ZNF492: variants seen among roughly 807,000 people sequenced by gnomAD.
ZNF492 encodes zinc finger protein 492.
In ZNF492, 3 loss-of-function variants were observed where a neutral mutation model predicts 6.4. The ratio of observed to expected loss-of-function variants is 0.47; its 90% CI spans 0.21 to 1.22. The LOEUF is 1.22. Among genes scored for constraint, ZNF492 ranks in the 50% most tolerant of loss-of-function variants. The probability of loss-of-function intolerance (pLI) is 0.22; values close to 1 mark genes in which losing one functional copy is unlikely to be tolerated. For synonymous variants in ZNF492, 112 were observed against 205.3 expected (o/e 0.55, Z 3.89); for missense variants, 356 against 612.5 (o/e 0.58, Z 4.42).
intron 1 of ZNF492, among the ~76,000 whole-genome samples, chr19:22,645,533 TATTTGTCAATTTTGG>T (rs1426777620): frequency 3.3e-5 from 5 of 152,220 alleles, no homozygotes; most frequent in Non-Finnish European, 5.9e-5. Flanking sequence ...AATTAGCTCT[TATTTGTCAATTTTGG>T]GTTTAGTTGC....
chr19:22,635,660 A>T (rs1325476542), intron 1 of ZNF492, among the ~76,000 whole-genome samples: 1 of 152,184 alleles, frequency 6.6e-6, no homozygotes, highest in East Asian at 1.9e-4. Context: ...TGCAAACGTT[A>T]TGGGGTGATT....
At position 22,666,095 on chromosome 19, in the gene ZNF492, ATGT is replaced by A. The variant is rs1272854336; in HGVS notation, c.*834_*836del. The A allele has an allele frequency of 1.1e-4, 16 of 152,214 alleles. No individual in the cohort carries two copies. In the South Asian group the frequency reaches 1.2e-3, roughly 12 times the overall value. 9.4% of individuals were successfully genotyped at this position (152,214 alleles called of 1,614,324 possible). A position where few individuals can be genotyped will look rare whatever the true frequency, so the allele number is the denominator to read the frequency against. On this transcript the variant is annotated 3_prime_UTR_variant, in exon 4 of 4. Transcript: ENST00000456783. ...ACTCTCAAATTACTTCATACAAATA[ATGT>A]TGTAATTAACTCAAATTACTTCGTG...
intron 1 of ZNF492, among the ~76,000 whole-genome samples, chr19:22,639,110 G>T (rs1271217932): frequency 1.3e-5 from 2 of 152,060 alleles, no homozygotes; most frequent in East Asian, 3.9e-4. Context: ...AAAGTGCTGG[G>T]ACTACAGGCG....
chr19:22,641,553 G>A (rs1405421369), intron 1 of ZNF492, among the ~76,000 whole-genome samples: 1 of 152,176 alleles, frequency 6.6e-6, no homozygotes, highest in African/African-American at 2.4e-5. Flanking sequence ...GCCACGTGAT[G>A]ATGAGAAGAC....
At chr19:22,646,127 A>G (rs1343670118) in intron 1 of ZNF492, among the ~76,000 whole-genome samples, 1 of 152,102 alleles carries the variant, frequency 6.6e-6, no homozygotes, top group Non-Finnish European at 1.5e-5. Flanking sequence ...GGCCATTTTC[A>G]TGATGTTGAT....
rs1972140534 is a variant in ZNF492 at position 22,667,254 on chromosome 19, AT to A, written c.*1990del. 4 of 152,136 alleles carry A rather than the reference AT, an allele frequency of 2.6e-5. 1 individual carries two copies. The South Asian group carries it at 8.3e-4, about 31-fold the overall frequency. The allele number at this position is 152,136 out of a possible 1,614,324, so 9.4% of individuals were successfully genotyped here. A position where few individuals can be genotyped will look rare whatever the true frequency, so the allele number is the denominator to read the frequency against. ...AAAAATAAATAAGTAAATAAAATAA[AT>A]GGTGGTAACAATACACTATTTGGTA... On this transcript the variant is annotated 3_prime_UTR_variant, in exon 4 of 4. Transcript: ENST00000456783.
intron 3 of ZNF492, among the ~76,000 whole-genome samples, chr19:22,662,402 A>G (rs151189411): frequency 0.016 from 2,511 of 152,284 alleles, 56 homozygotes; most frequent in African/African-American, 0.055. Flanking sequence ...ATACGTGTGC[A>G]TGTGTCCTTA....
chr19:22,647,749 A>ATTTTTTTTTT (rs1971898849), intron 1 of ZNF492, among the ~76,000 whole-genome samples: 1 of 41,202 alleles, frequency 2.4e-5, no homozygotes, highest in African/African-American at 1.6e-4. Context: ...TTTTTTTTTG[A>ATTTTTTTTTT]GATGGAGACT....
chr19:22,664,140 T>C lies in ZNF492; in HGVS notation c.471T>C (p.Ala157=), dbSNP rs375860518. 443 of 1,603,878 alleles carry C rather than the reference T, an allele frequency of 2.8e-4. 1 individual carries two copies. Among genetic ancestry groups the C allele is most frequent in the Middle Eastern group, 1.2e-3 (7 of 6,016 alleles). ...EKSFCMLSHL[A]QHKRIHSGEK... ...CATTTTGCATGCTTTCACACTTAGC[T>C]CAACATAAAAGAATTCATAGTGGAG... Residue 157 remains alanine, a synonymous_variant, in exon 4 of 4, where the codon GCT becomes GCC. Transcript: ENST00000456783.
chr19:22,654,466 T>A (rs1028693581), intron 3 of ZNF492, among the ~76,000 whole-genome samples: 5 of 152,152 alleles, frequency 3.3e-5, no homozygotes, highest in Non-Finnish European at 1.5e-5. Context: ...TTGCATTCTG[T>A]CTTATTATAG....
intron 3 of ZNF492, among the ~76,000 whole-genome samples, chr19:22,660,880 G>A (rs1972051423): frequency 1.4e-5 from 2 of 147,236 alleles, no homozygotes; most frequent in African/African-American, 5.0e-5. Flanking sequence ...TGGCAGGACA[G>A]ATTTGTTGAT....
Position 22,666,999 on chromosome 19 carries a change from T to C in ZNF492, c.*1734T>C, listed in dbSNP as rs1158294716. On this transcript the variant is annotated 3_prime_UTR_variant, in exon 4 of 4. Coordinates refer to ENST00000456783, the MANE Select transcript of ZNF492 (RefSeq NM_020855.3). ...ATCCCAGCACTTTGGGAGGCAAAGG[T>C]GGGTAGATCACCTGAGGTCGGGAGT... is the stretch of plus-strand genomic sequence containing the variant. The C allele has an allele frequency of 1.3e-5, 2 of 152,030 alleles. No individual in the cohort carries two copies. The highest frequency in any genetic ancestry group is 6.6e-5 in the Admixed American group (1 of 15,262). The allele number at this position is 152,030 out of a possible 1,614,324, so 9.4% of individuals were successfully genotyped here.
intron 1 of ZNF492, among the ~76,000 whole-genome samples, chr19:22,649,029 A>G (rs1034901667): frequency 1.8e-4 from 27 of 152,030 alleles, no homozygotes; most frequent in African/African-American, 5.6e-4. Context: ...TCATAGTGTC[A>G]TTGGTCTTCA....
chr19:22,660,134 G>A (rs1972043763), intron 3 of ZNF492, among the ~76,000 whole-genome samples: 1 of 151,726 alleles, frequency 6.6e-6, no homozygotes, highest in Admixed American at 6.6e-5. Flanking sequence ...CTTCCATCTT[G>A]CCCCTTTTAG....
chr19:22,655,099 C>T (rs1052563996), intron 3 of ZNF492, among the ~76,000 whole-genome samples: 1 of 151,452 alleles, frequency 6.6e-6, no homozygotes, highest in Non-Finnish European at 1.5e-5. Flanking sequence ...TTGAGACCAG[C>T]CTGGCCAACA....
At chr19:22,645,868 C>T (rs991782941) in intron 1 of ZNF492, among the ~76,000 whole-genome samples, 1 of 152,020 alleles carries the variant, frequency 6.6e-6, no homozygotes, top group African/African-American at 2.4e-5. Context: ...CTTTTCTGTT[C>T]CATTGGTCTA....
Position 22,664,932 on chromosome 19 carries a change from CAAATGTGAAG to C in ZNF492, c.1266_1275del (p.Lys422AsnfsTer17), listed in dbSNP as rs1330496277. ...TAATTCATACTGGAGAGAAACCCTACAAATGTGAAGAATGTGGCAAAGCTTTTAACCAGTC... is the reference window on the plus strand; with the variant it reads ...TAATTCATACTGGAGAGAAACCCTACAATGTGGCAAAGCTTTTAACCAGTC... On this transcript the variant is annotated frameshift_variant, in exon 4 of 4. Transcript: ENST00000456783. LOFTEE classifies it low-confidence loss of function (END_TRUNC). 8 of 1,610,542 alleles carry C rather than the reference CAAATGTGAAG, an allele frequency of 5.0e-6. No homozygotes were observed. Among genetic ancestry groups the C allele is most frequent in the Non-Finnish European group, 6.8e-6 (8 of 1,178,218 alleles).
chr19:22,639,677 C>T (rs1971805995), intron 1 of ZNF492, among the ~76,000 whole-genome samples: 1 of 150,530 alleles, frequency 6.6e-6, no homozygotes, highest in Non-Finnish European at 1.5e-5. Context: ...CGCCACCGCA[C>T]CCCAGCCTGG....
In ZNF492 at chr19:22,665,518, G is replaced by A; in HGVS notation, c.*253G>A. 1 of 667,790 alleles carries A rather than the reference G, an allele frequency of 1.5e-6. No homozygotes were observed. Among genetic ancestry groups the A allele is most frequent in the Non-Finnish European group, 2.2e-6 (1 of 444,598 alleles). 41.4% of individuals were successfully genotyped at this position (667,790 alleles called of 1,614,324 possible). A position where few individuals can be genotyped will look rare whatever the true frequency, so the allele number is the denominator to read the frequency against. On this transcript the variant is annotated 3_prime_UTR_variant, in exon 4 of 4. Coordinates refer to ENST00000456783, the MANE Select transcript of ZNF492 (RefSeq NM_020855.3). ...AGTTTATATTAATAGCATTAAAAGT[G>A]CAATTACTGTCAAAAGAGTTCAAAA...
Sources: gnomAD v4.1 joint callset for allele counts (sites outside exome capture counted in the v4.1 genomes callset) on GRCh38, gnomAD v4.1.1 for gene constraint, MANE v1.5 for transcripts, NCBI Gene and HGNC (gene_info 2026-07-23, HGNC 2026-07-21) for gene names.